The following TRPM3 variants were observed in gnomAD, a reference collection of about 807,000 sequenced individuals.
TRPM3 encodes the protein transient receptor potential cation channel subfamily M member 3.
In TRPM3, 77 loss-of-function variants were observed where a neutral mutation model predicts 181.2. That is an observed-to-expected ratio of 0.42 (90% confidence interval 0.35 to 0.51). The LOEUF (loss-of-function observed/expected upper bound fraction) is 0.51, where lower values mean the gene tolerates loss of function less well. Among genes scored for constraint, TRPM3 ranks in the 20% least tolerant of loss-of-function variants. The pLI, the probability that TRPM3 is intolerant of heterozygous loss-of-function variation, is 0.01. For missense variants in TRPM3, 1,759 were observed against 2,196.7 expected (o/e 0.80, Z 3.98); for synonymous variants, 745 against 796.4 (o/e 0.94, Z 1.09).
intron 1 of TRPM3, among the ~76,000 whole-genome samples, chr9:71,132,470 G>A (rs2074433984): frequency 6.6e-6 from 1 of 152,168 alleles, no homozygotes; most frequent in Admixed American, 6.5e-5. Context: ...TCATTCGGGA[G>A]ATTAAATCAA....
At chr9:70,969,930 T>C (rs1046387541) in intron 1 of TRPM3, among the ~76,000 whole-genome samples, 2 of 152,004 alleles carry the variant, frequency 1.3e-5, no homozygotes, top group Non-Finnish European at 2.9e-5. Flanking sequence ...AAGCTTAGAT[T>C]TGAAACCAGG....
intron 1 of TRPM3, among the ~76,000 whole-genome samples, chr9:71,082,597 A>G (rs1364437830): frequency 6.6e-6 from 1 of 152,178 alleles, no homozygotes; most frequent in East Asian, 1.9e-4. Flanking sequence ...TTTTGTGCAA[A>G]GAAAGATGTG....
At chr9:70,859,819 T>G (rs76617767) in intron 3 of TRPM3, among the ~76,000 whole-genome samples, 2 of 152,178 alleles carry the variant, frequency 1.3e-5, no homozygotes, top group African/African-American at 4.8e-5. Flanking sequence ...GGTGTAACAG[T>G]GTCTCACTTA....
rs957772594 is a variant in TRPM3 at position 70,532,288 on chromosome 9, T to C, written c.*3665A>G. ...ATAATATTATCTATAGAAACCATAT[T>C]TTAGAATACATTTGAAACATTCAGA... On this transcript the variant is annotated 3_prime_UTR_variant, in exon 26 of 26. Coordinates refer to ENST00000677713, the MANE Select transcript of TRPM3 (RefSeq NM_001366145.2). The C allele has an allele frequency of 5.3e-5, 8 of 152,228 alleles. No individual in the cohort carries two copies. 9.4% of individuals were successfully genotyped at this position (152,228 alleles called of 1,614,324 possible). A position where few individuals can be genotyped will look rare whatever the true frequency, so the allele number is the denominator to read the frequency against.
At chr9:70,968,784 G>A (rs555965477) in intron 1 of TRPM3, among the ~76,000 whole-genome samples, 233 of 152,070 alleles carry the variant, frequency 1.5e-3, no homozygotes, top group African/African-American at 5.2e-3. Context: ...ATAGATAAAC[G>A]GTGTTGGGAA....
chr9:71,257,658 G>A (rs2132053346), intron 1 of TRPM3, among the ~76,000 whole-genome samples: 1 of 152,272 alleles, frequency 6.6e-6, no homozygotes, highest in South Asian at 2.1e-4. Flanking sequence ...ACGAGAAATT[G>A]TGTATGTATA....
chr9:70,759,604 C>A (rs1453631403), intron 8 of TRPM3, among the ~76,000 whole-genome samples: 1 of 152,132 alleles, frequency 6.6e-6, no homozygotes, highest in Non-Finnish European at 1.5e-5. Flanking sequence ...CAGTGATAGA[C>A]TGGATAAATA....
In TRPM3 at chr9:71,116,734, TC is replaced by T. The variant is rs1034992691; in HGVS notation, c.177+4443del. On this transcript the variant is annotated intron_variant, in intron 1 of 25. Transcript: ENST00000677713. ...TAAGAGTTTGGGCTTTTGACTAGAT[TC>T]CCCCCAAAAAAAAAATTAAAAAGGG... 3.3e-5 allele frequency among the ~76,000 whole-genome samples: 5 copies of T among 150,588 alleles called. No individual in the cohort carries two copies. The South Asian group carries it at 8.4e-4, about 25-fold the overall frequency.
chr9:71,086,017 CATAAAAAG>C (rs1286255697), intron 1 of TRPM3, among the ~76,000 whole-genome samples: 1 of 151,912 alleles, frequency 6.6e-6, no homozygotes, highest in Non-Finnish European at 1.5e-5. Context: ...CACACAGCCA[CATAAAAAG>C]AACAAAATCA....
chr9:70,957,208 C>T (rs138806769), intron 1 of TRPM3, among the ~76,000 whole-genome samples: 51 of 152,218 alleles, frequency 3.4e-4, no homozygotes, highest in African/African-American at 9.9e-4. Context: ...AAATGATCCA[C>T]GCACTTCGGC....
chr9:70,816,431 A>T (rs895491704), intron 6 of TRPM3, among the ~76,000 whole-genome samples: 2 of 152,260 alleles, frequency 1.3e-5, no homozygotes, highest in Admixed American at 1.3e-4. Flanking sequence ...GTTTCAACAG[A>T]GTCAGAGGAT....
At chr9:71,153,783 CT>C (rs1415156461) in intron 1 of TRPM3, among the ~76,000 whole-genome samples, 3 of 152,056 alleles carry the variant, frequency 2.0e-5, no homozygotes, top group Non-Finnish European at 2.9e-5. Flanking sequence ...GAAGGCCATG[CT>C]TTTTCAAGAC....
chr9:70,559,726 G>C (rs2048592900), intron 22 of TRPM3, among the ~76,000 whole-genome samples: 1 of 152,158 alleles, frequency 6.6e-6, no homozygotes, highest in Non-Finnish European at 1.5e-5. Flanking sequence ...TGAGGTCTGG[G>C]GTGAAAGATC....
chr9:70,748,619 A>G (rs184289648), intron 8 of TRPM3, among the ~76,000 whole-genome samples: 74 of 152,150 alleles, frequency 4.9e-4, no homozygotes, highest in Non-Finnish European at 8.5e-4. Context: ...CCTTACGAAA[A>G]AGGCCTGAGG....
At chr9:70,614,737 A>G (rs2062520362) in intron 18 of TRPM3, among the ~76,000 whole-genome samples, 2 of 152,222 alleles carry the variant, frequency 1.3e-5, no homozygotes, top group Admixed American at 1.3e-4. Flanking sequence ...GCCCAAGGTC[A>G]CACAGCAAGT....
intron 1 of TRPM3, among the ~76,000 whole-genome samples, chr9:71,136,415 G>A (rs2074769805): frequency 1.3e-5 from 2 of 152,170 alleles, no homozygotes; most frequent in South Asian, 2.1e-4. Flanking sequence ...GCCAGAGGTT[G>A]ACATGTACCC....
At chr9:71,139,528 T>A (rs1465425894) in intron 1 of TRPM3, among the ~76,000 whole-genome samples, 1 of 152,180 alleles carries the variant, frequency 6.6e-6, no homozygotes, top group Non-Finnish European at 1.5e-5. Flanking sequence ...GGGGTGGAGA[T>A]AATACTAAAA....
At chr9:71,113,981 A>G (rs532914756) in intron 1 of TRPM3, among the ~76,000 whole-genome samples, 6 of 152,336 alleles carry the variant, frequency 3.9e-5, no homozygotes, top group Non-Finnish European at 8.8e-5. Flanking sequence ...ATCTGATTCT[A>G]TCATAGATAG....
At chr9:70,639,344 G>GA in intron 10 of TRPM3, 150 bp from the exon 11 acceptor site, 1 of 827,900 alleles carries the variant, frequency 1.2e-6, no homozygotes, top group South Asian at 2.2e-5. Context: ...ACTGTTCACA[G>GA]ATTCACTTTT....
Sources: allele counts gnomAD v4.1 joint callset (sites outside exome capture counted in the v4.1 genomes callset), GRCh38; gene constraint gnomAD v4.1.1; transcripts MANE v1.5; gene names NCBI Gene and HGNC (gene_info 2026-07-23, HGNC 2026-07-21).